ASIC2: variants seen among roughly 807,000 people sequenced by gnomAD.
The protein encoded by ASIC2 is acid sensing ion channel subunit 2, also known as acid-sensing ion channel 2.
Under a neutral mutation model 57.3 loss-of-function variants are expected in ASIC2, and 25 were observed. The observed-to-expected ratio is 0.44, with a 90% confidence interval of 0.32 to 0.61. ASIC2 has a LOEUF of 0.61. Among genes scored for constraint, ASIC2 ranks in the 20% least tolerant of loss-of-function variants. ASIC2 has a pLI of 0.06. For missense variants in ASIC2, 641 were observed against 738.1 expected (o/e 0.87, Z 1.52); for synonymous variants, 319 against 307.5 (o/e 1.04, Z -0.39).
intron 1 of ASIC2, among the ~76,000 whole-genome samples, chr17:33,588,252 G>T (rs1904705001): frequency 6.6e-6 from 1 of 152,198 alleles, no homozygotes; most frequent in African/African-American, 2.4e-5. Context: ...GGAGCAGGGA[G>T]AATGTTATCA....
At chr17:33,050,824 G>A (rs2091972248) in intron 3 of ASIC2, among the ~76,000 whole-genome samples, 1 of 152,132 alleles carries the variant, frequency 6.6e-6, no homozygotes, top group African/African-American at 2.4e-5. Context: ...ATGAGAAAGT[G>A]TGGGAGGGTA....
intron 1 of ASIC2, among the ~76,000 whole-genome samples, chr17:33,665,382 C>T (rs1486779114): frequency 6.6e-6 from 1 of 152,032 alleles, no homozygotes; most frequent in Non-Finnish European, 1.5e-5. Flanking sequence ...AGACCAAAGA[C>T]CATAACATTT....
At chr17:33,888,377 G>A (rs1425980106) in intron 1 of ASIC2, among the ~76,000 whole-genome samples, 5 of 152,230 alleles carry the variant, frequency 3.3e-5, no homozygotes, top group East Asian at 3.9e-4. Context: ...AGGTAGGAGC[G>A]AGTGGTTCCT....
rs539848158 is a variant in ASIC2 at position 33,447,533 on chromosome 17, G to A, written c.556-335466C>T. On this transcript the variant is annotated intron_variant, in intron 1 of 9. Transcript: ENST00000359872. ...TAAGGAAGGCTGAGAGATGAGTGAG[G>A]CTTAGCAAGGGAGAGGAAAGCAATA... Among the ~76,000 whole-genome samples the A allele has an allele frequency of 2.0e-3, 307 of 152,288 alleles. 1 individual carries two copies. The highest frequency in any genetic ancestry group is 3.3e-3 in the Non-Finnish European group (223 of 68,022).
At chr17:33,217,941 A>G (rs1324640165) in intron 1 of ASIC2, among the ~76,000 whole-genome samples, 1 of 152,150 alleles carries the variant, frequency 6.6e-6, no homozygotes, top group East Asian at 1.9e-4. Flanking sequence ...GGGACCCAAA[A>G]TGACAGGTCC....
intron 1 of ASIC2, chr17:34,069,304 TC>T (rs1909297908): frequency 8.1e-6 from 1 of 123,102 alleles, no homozygotes; most frequent in South Asian, 2.6e-4. Context: ...CCTTCTTCCT[TC>T]CTTCCTTTCT....
intron 1 of ASIC2, among the ~76,000 whole-genome samples, chr17:33,828,740 G>T (rs187321291): frequency 7.2e-5 from 11 of 152,274 alleles, no homozygotes; most frequent in African/African-American, 2.6e-4. Flanking sequence ...TTCCACTTTG[G>T]TGTTTCATTG....
chr17:33,247,399 T>C (rs1333901076), intron 1 of ASIC2, among the ~76,000 whole-genome samples: 1 of 152,214 alleles, frequency 6.6e-6, no homozygotes, highest in Non-Finnish European at 1.5e-5. Flanking sequence ...ATCTTAGGTG[T>C]CCATCTGGCA....
At chr17:34,052,243 CCT>C (rs916543332) in intron 1 of ASIC2, among the ~76,000 whole-genome samples, 1 of 152,140 alleles carries the variant, frequency 6.6e-6, no homozygotes, top group Non-Finnish European at 1.5e-5. Flanking sequence ...CCTTATTGCC[CCT>C]GAGCCAAGAA....
At chr17:33,095,559 A>G (rs2092175431) in intron 2 of ASIC2, among the ~76,000 whole-genome samples, 1 of 152,222 alleles carries the variant, frequency 6.6e-6, no homozygotes, top group Non-Finnish European at 1.5e-5. Context: ...TGTGCCACCG[A>G]GGTGCTGAAA....
chr17:33,517,344 G>A (rs1218812451), intron 1 of ASIC2, among the ~76,000 whole-genome samples: 1 of 152,174 alleles, frequency 6.6e-6, no homozygotes, highest in East Asian at 1.9e-4. Flanking sequence ...TCAAACTCCT[G>A]ACCTCAAGTG....
chr17:33,655,960 G>A (rs1907062160), intron 1 of ASIC2, among the ~76,000 whole-genome samples: 1 of 152,010 alleles, frequency 6.6e-6, no homozygotes, highest in Non-Finnish European at 1.5e-5. Context: ...CTGAGTTTTG[G>A]GGGGATAGTA....
intron 1 of ASIC2, among the ~76,000 whole-genome samples, chr17:34,094,455 C>T (rs889563484): frequency 3.3e-5 from 5 of 152,216 alleles, no homozygotes; most frequent in Admixed American, 1.3e-4. Flanking sequence ...AGGACGCTGA[C>T]TCCTCAATGG....
chr17:33,340,969 C>T (rs1173031873), intron 1 of ASIC2, among the ~76,000 whole-genome samples: 1 of 152,182 alleles, frequency 6.6e-6, no homozygotes, highest in Non-Finnish European at 1.5e-5. Context: ...TCACCCTAGT[C>T]TCAGACTTGA....
chr17:33,978,928 T>A (rs1905498073), intron 1 of ASIC2, among the ~76,000 whole-genome samples: 1 of 152,032 alleles, frequency 6.6e-6, no homozygotes, highest in South Asian at 2.1e-4. Context: ...AGAAACATTA[T>A]CACAAAAGGG....
chr17:33,510,815 G>A (rs1914408120), intron 1 of ASIC2, among the ~76,000 whole-genome samples: 2 of 152,100 alleles, frequency 1.3e-5, no homozygotes, highest in African/African-American at 4.8e-5. Context: ...AGAAGCATCT[G>A]AGAGTGCAAC....
At chr17:33,037,921 T>A (rs2091915816) in intron 3 of ASIC2, among the ~76,000 whole-genome samples, 1 of 152,320 alleles carries the variant, frequency 6.6e-6, no homozygotes, top group Non-Finnish European at 1.5e-5. Flanking sequence ...TTGGCTGGGA[T>A]GGGAAGAGAG....
At chr17:33,420,658 T>C (rs1911012997) in intron 1 of ASIC2, among the ~76,000 whole-genome samples, 1 of 152,148 alleles carries the variant, frequency 6.6e-6, no homozygotes. Flanking sequence ...TCAGGGAGGG[T>C]GCTAGTAAGC....
intron 1 of ASIC2, among the ~76,000 whole-genome samples, chr17:33,321,330 A>G (rs1251372699): frequency 1.3e-5 from 2 of 152,324 alleles, no homozygotes; most frequent in East Asian, 3.9e-4. Flanking sequence ...AGCATGTTAA[A>G]GATAGAGGGG....
Sources: allele counts gnomAD v4.1 joint callset (sites outside exome capture counted in the v4.1 genomes callset), GRCh38; gene constraint gnomAD v4.1.1; transcripts MANE v1.5; gene names NCBI Gene and HGNC (gene_info 2026-07-23, HGNC 2026-07-21).